Variants in KCNJ3 observed in about 807,000 individuals in gnomAD.
KCNJ3 encodes the protein G protein-activated inward rectifier potassium channel 1.
KCNJ3 carries 4 observed loss-of-function variants against 39.2 expected under a neutral mutation model. The observed-to-expected ratio is 0.10, with a 90% CI of 0.05 to 0.23. The LOEUF (loss-of-function observed/expected upper bound fraction) is 0.23. Among genes scored for constraint, KCNJ3 ranks in the 10% least tolerant of loss-of-function variants. The probability of loss-of-function intolerance (pLI) is 1.00; values close to 1 mark genes in which losing one functional copy is unlikely to be tolerated. For missense variants in KCNJ3, 276 were observed against 634.9 expected (o/e 0.43, Z 6.08); for synonymous variants, 230 against 237.4 (o/e 0.97, Z 0.29).
chr2:154,819,645 C>A (rs1343101926), intron 2 of KCNJ3, among the ~76,000 whole-genome samples: 1 of 151,956 alleles, frequency 6.6e-6, no homozygotes, highest in Non-Finnish European at 1.5e-5. Flanking sequence ...ATTCTTCTGC[C>A]TCAGCCTCCT....
chr2:154,737,893 A>G (rs908962522), intron 2 of KCNJ3, among the ~76,000 whole-genome samples: 1 of 152,168 alleles, frequency 6.6e-6, no homozygotes, highest in African/African-American at 2.4e-5. Context: ...CTAAAACTCC[A>G]TGTACATATG....
intron 2 of KCNJ3, among the ~76,000 whole-genome samples, chr2:154,812,188 A>C (rs1441535163): frequency 6.6e-6 from 1 of 152,194 alleles, no homozygotes; most frequent in Non-Finnish European, 1.5e-5. Context: ...ATTGTACAAA[A>C]AACTTTGAAT....
chr2:154,759,057 C>G (rs867646335), intron 2 of KCNJ3, among the ~76,000 whole-genome samples: 1 of 152,136 alleles, frequency 6.6e-6, no homozygotes, highest in African/African-American at 2.4e-5. Flanking sequence ...GGTGGAAATT[C>G]TCTGTTTATG....
chr2:154,811,232 C>T (rs1222188689), intron 2 of KCNJ3, among the ~76,000 whole-genome samples: 6 of 151,946 alleles, frequency 3.9e-5, no homozygotes, highest in South Asian at 2.1e-4. Context: ...AATGCATGGC[C>T]GGAAGAGGGC....
intron 2 of KCNJ3, among the ~76,000 whole-genome samples, chr2:154,743,779 G>T (rs1183880873): frequency 6.6e-6 from 1 of 151,300 alleles, no homozygotes; most frequent in Non-Finnish European, 1.5e-5. Context: ...CAAAAAAGCA[G>T]TTTTATTTTT....
At position 154,815,869 on chromosome 2, in the gene KCNJ3, A is replaced by G. The variant is rs116812491; in HGVS notation, c.920-38858A>G. On this transcript the variant is annotated intron_variant, in intron 2 of 2. Coordinates refer to ENST00000295101, the MANE Select transcript of KCNJ3 (RefSeq NM_002239.4). Reference sequence around the variant, plus strand: ...TTTTGCTGAAACCCAGTTCTTCCACATATTTCCATGGTTTTCCTTGTTCCC... The same window carrying G: ...TTTTGCTGAAACCCAGTTCTTCCACGTATTTCCATGGTTTTCCTTGTTCCC... Among the ~76,000 whole-genome samples the G allele has an allele frequency of 4.8e-3, 733 of 152,246 alleles. 7 individuals are homozygous for G. Among genetic ancestry groups the G allele is most frequent in the African/African-American group, 0.016 (681 of 41,548 alleles).
At chr2:154,798,078 C>A (rs1686750969) in intron 2 of KCNJ3, among the ~76,000 whole-genome samples, 2 of 151,840 alleles carry the variant, frequency 1.3e-5, no homozygotes, top group Non-Finnish European at 1.5e-5. Flanking sequence ...TGTTTACACA[C>A]CCTACATGTA....
At chr2:154,748,326 G>A (rs1028597487) in intron 2 of KCNJ3, among the ~76,000 whole-genome samples, 16 of 151,820 alleles carry the variant, frequency 1.1e-4, no homozygotes, top group African/African-American at 3.6e-4. Context: ...GGGATATAGT[G>A]GCCTTTCAAA....
At chr2:154,722,131 T>TA (rs113198097) in intron 2 of KCNJ3, among the ~76,000 whole-genome samples, 1 of 63,134 alleles carries the variant, frequency 1.6e-5, no homozygotes, top group Non-Finnish European at 3.4e-5. Flanking sequence ...ACTACAAAGA[T>TA]TTTTTTTTTT....
intron 2 of KCNJ3, among the ~76,000 whole-genome samples, chr2:154,760,658 A>G (rs1189769800): frequency 1.3e-5 from 2 of 150,108 alleles, no homozygotes; most frequent in Non-Finnish European, 3.0e-5. Flanking sequence ...GGCTGAACTG[A>G]TCCTTTCACT....
At position 154,844,619 on chromosome 2, in the gene KCNJ3, G is replaced by T. The variant is rs548319102; in HGVS notation, c.920-10108G>T. Among the ~76,000 whole-genome samples the T allele has an allele frequency of 1.3e-3, 198 of 152,258 alleles. 3 individuals carry two copies. Among genetic ancestry groups the T allele is most frequent in the African/African-American group, 4.4e-3 (184 of 41,546 alleles). Reference sequence around the variant, plus strand: ...GGGCTCCGCCCAGTTCAAGCTTCCCGGTCGCTTTGTTTATCTACTCAAGCC... The same window carrying T: ...GGGCTCCGCCCAGTTCAAGCTTCCCTGTCGCTTTGTTTATCTACTCAAGCC... On this transcript the variant is annotated intron_variant, in intron 2 of 2. Coordinates refer to ENST00000295101, the MANE Select transcript of KCNJ3 (RefSeq NM_002239.4).
intron 2 of KCNJ3, among the ~76,000 whole-genome samples, chr2:154,793,696 CA>C (rs1686674434): frequency 6.6e-6 from 1 of 152,018 alleles, no homozygotes; most frequent in Non-Finnish European, 1.5e-5. Context: ...TTCTGATAAA[CA>C]CACATACACA....
At chr2:154,772,376 C>G (rs1686257977) in intron 2 of KCNJ3, among the ~76,000 whole-genome samples, 3 of 152,058 alleles carry the variant, frequency 2.0e-5, no homozygotes, top group South Asian at 4.1e-4. Context: ...CTGAGAGTCA[C>G]TATGGCAAAG....
chr2:154,831,268 A>C (rs1385135129), intron 2 of KCNJ3, among the ~76,000 whole-genome samples: 1 of 152,136 alleles, frequency 6.6e-6, no homozygotes, highest in Non-Finnish European at 1.5e-5. Context: ...TCAATATACA[A>C]CACCAAATAC....
intron 2 of KCNJ3, among the ~76,000 whole-genome samples, chr2:154,821,209 T>A (rs1190493107): frequency 6.6e-6 from 1 of 151,748 alleles, no homozygotes; most frequent in Non-Finnish European, 1.5e-5. Flanking sequence ...ATCTTGTGCA[T>A]TTTTTTGCCC....
intron 2 of KCNJ3, among the ~76,000 whole-genome samples, chr2:154,809,472 G>A (rs184862041): frequency 6.6e-6 from 1 of 152,298 alleles, no homozygotes; most frequent in African/African-American, 2.4e-5. Flanking sequence ...AAATTGAGAG[G>A]TAAAGTGAAT....
intron 2 of KCNJ3, among the ~76,000 whole-genome samples, chr2:154,735,750 A>T (rs1013515707): frequency 6.6e-6 from 1 of 152,162 alleles, no homozygotes; most frequent in African/African-American, 2.4e-5. Context: ...GACTTCATTT[A>T]ATTACTATTT....
At chr2:154,788,889 A>G (rs1686580891) in intron 2 of KCNJ3, among the ~76,000 whole-genome samples, 1 of 152,054 alleles carries the variant, frequency 6.6e-6, no homozygotes, top group Non-Finnish European at 1.5e-5. Flanking sequence ...TATGCTGGAG[A>G]AAAAGGTTAC....
chr2:154,783,631 A>G (rs140541848), intron 2 of KCNJ3, among the ~76,000 whole-genome samples: 115 of 152,336 alleles, frequency 7.5e-4, no homozygotes, highest in African/African-American at 2.5e-3. Flanking sequence ...TATTACAAGC[A>G]TTCCCATTTT....
Sources: gnomAD v4.1 joint callset for allele counts (sites outside exome capture counted in the v4.1 genomes callset) on GRCh38, gnomAD v4.1.1 for gene constraint, MANE v1.5 for transcripts, NCBI Gene and HGNC (gene_info 2026-07-23, HGNC 2026-07-21) for gene names.